KAZN: variants seen among roughly 807,000 people sequenced by gnomAD.
KAZN encodes the protein kazrin.
KAZN carries 40 observed loss-of-function variants against 87.4 expected under a neutral mutation model. That is an observed-to-expected ratio of 0.46 (90% confidence interval 0.36 to 0.60). The LOEUF (loss-of-function observed/expected upper bound fraction) is 0.60. Ranked by LOEUF, KAZN falls within the 20% of genes least tolerant of loss-of-function variation. The pLI, the probability that KAZN is intolerant of heterozygous loss-of-function variation, is 0.00. For synonymous variants in KAZN, 466 were observed against 458.3 expected (o/e 1.02, Z -0.22); for missense variants, 898 against 1,073.9 (o/e 0.84, Z 2.29).
intron 1 of KAZN, among the ~76,000 whole-genome samples, chr1:14,042,871 T>G (rs2101410544): frequency 6.6e-6 from 1 of 152,344 alleles, no homozygotes; most frequent in East Asian, 1.9e-4. Context: ...TACCTGGCCT[T>G]AATTATCTCT....
chr1:14,930,714 C>T (rs866823100), intron 1 of KAZN, among the ~76,000 whole-genome samples: 48 of 152,230 alleles, frequency 3.2e-4, no homozygotes, highest in African/African-American at 1.0e-3. Flanking sequence ...ACCCTTCCTC[C>T]TGCAGTTTCC....
rs917520665 is a variant in KAZN, at chr1:14,004,758, A to G, written c.91+111002A>G. Reference sequence around the variant, plus strand: ...CCAAAACTCATGTTGGAGCTTACTTAATCTCCCTGGCAGTATTGAGAGATG... The same window carrying G: ...CCAAAACTCATGTTGGAGCTTACTTGATCTCCCTGGCAGTATTGAGAGATG... On this transcript the variant is annotated intron_variant, in intron 1 of 16. Coordinates refer to the KAZN transcript ENST00000636203. Among the ~76,000 whole-genome samples, 43 of 14,506 alleles carry G rather than the reference A, an allele frequency of 3.0e-3. 1 individual carries two copies. The highest frequency in any genetic ancestry group is 5.1e-3 in the Non-Finnish European group (27 of 5,270). The allele number at this position is 14,506 out of a possible 152,430, so 9.5% of individuals were successfully genotyped here. A position where few individuals can be genotyped will look rare whatever the true frequency, so the allele number is the denominator to read the frequency against.
chr1:14,752,018 G>A (rs551461770), intron 1 of KAZN, among the ~76,000 whole-genome samples: 15 of 152,270 alleles, frequency 9.9e-5, no homozygotes, highest in South Asian at 2.1e-4. Context: ...TGAGGGCCTC[G>A]GGCTGCTTCC....
intron 1 of KAZN, among the ~76,000 whole-genome samples, chr1:14,063,872 C>A (rs949223277): frequency 6.6e-6 from 1 of 152,130 alleles, no homozygotes; most frequent in Non-Finnish European, 1.5e-5. Context: ...TCATATAAGA[C>A]GTCACTGCTC....
chr1:14,366,327 T>C (rs1427964692), intron 2 of KAZN, among the ~76,000 whole-genome samples: 1 of 152,226 alleles, frequency 6.6e-6, no homozygotes, highest in African/African-American at 2.4e-5. Context: ...CTATTCAGGG[T>C]GACCAGTTCA....
chr1:14,119,923 T>C, intron 1 of KAZN, among the ~76,000 whole-genome samples: 1 of 152,048 alleles, frequency 6.6e-6, no homozygotes, highest in Middle Eastern at 3.4e-3. Context: ...ATGTGTACGA[T>C]CTATTTGGTG....
intron 2 of KAZN, among the ~76,000 whole-genome samples, chr1:14,343,627 T>G (rs1364286357): frequency 6.6e-6 from 1 of 152,184 alleles, no homozygotes; most frequent in African/African-American, 2.4e-5. Context: ...CAACTCTACT[T>G]TTGAAAACCA....
At chr1:14,238,371 C>G (rs1347478358) in intron 2 of KAZN, among the ~76,000 whole-genome samples, 1 of 152,196 alleles carries the variant, frequency 6.6e-6, no homozygotes, top group African/African-American at 2.4e-5. Flanking sequence ...TGGGTGTCCT[C>G]TCCAGATGGG....
chr1:14,409,989 AC>A (rs1557698832), intron 2 of KAZN, among the ~76,000 whole-genome samples: 1 of 152,232 alleles, frequency 6.6e-6, no homozygotes, highest in African/African-American at 2.4e-5. Flanking sequence ...ATATGAAAAA[AC>A]AATCAGCTGG....
intron 1 of KAZN, among the ~76,000 whole-genome samples, chr1:14,847,523 G>C (rs1323965469): frequency 6.6e-6 from 1 of 152,244 alleles, no homozygotes; most frequent in Non-Finnish European, 1.5e-5. Flanking sequence ...TGGGTCCGCA[G>C]TGAGCTATGT....
At chr1:14,269,357 T>C (rs1476616328) in intron 2 of KAZN, among the ~76,000 whole-genome samples, 1 of 152,150 alleles carries the variant, frequency 6.6e-6, no homozygotes, top group Non-Finnish European at 1.5e-5. Flanking sequence ...CCTAATAGGA[T>C]GGCTTCTGAA....
intron 2 of KAZN, among the ~76,000 whole-genome samples, chr1:14,491,463 C>T (rs983807297): frequency 9.2e-5 from 14 of 152,144 alleles, no homozygotes; most frequent in African/African-American, 2.7e-4. Flanking sequence ...GTCCCCTACC[C>T]GCCGACAGGT....
chr1:14,573,176 T>A (rs1460088077), intron 2 of KAZN, among the ~76,000 whole-genome samples: 1 of 152,186 alleles, frequency 6.6e-6, no homozygotes, highest in Non-Finnish European at 1.5e-5. Flanking sequence ...TACACAGTGC[T>A]TCCCACACTC....
intron 2 of KAZN, among the ~76,000 whole-genome samples, chr1:14,313,047 A>G (rs941350747): frequency 3.3e-5 from 5 of 152,202 alleles, no homozygotes; most frequent in African/African-American, 4.8e-5. Context: ...GCAGCATTAG[A>G]TAACTAATAC....
chr1:14,471,519 T>C (rs1436744679), intron 2 of KAZN, among the ~76,000 whole-genome samples: 3 of 152,138 alleles, frequency 2.0e-5, no homozygotes, highest in Non-Finnish European at 2.9e-5. Context: ...ATTGAGCCAA[T>C]GGAAGAACCA....
chr1:14,310,382 C>T lies in KAZN; in HGVS notation c.249+129790C>T, dbSNP rs535859081. Among the ~76,000 whole-genome samples, 13 of 152,320 alleles carry T rather than the reference C, an allele frequency of 8.5e-5. No homozygotes were observed. In the East Asian group the frequency reaches 1.7e-3, roughly 20 times the overall value. On this transcript the variant is annotated intron_variant, in intron 2 of 16. Coordinates refer to the KAZN transcript ENST00000636203. ...TCTAAACAGATTAGAAAACTCCCAGCAGGCCTCGGATGGTTAAAACGAGTC... is the reference window on the plus strand; with the variant it reads ...TCTAAACAGATTAGAAAACTCCCAGTAGGCCTCGGATGGTTAAAACGAGTC...
chr1:14,193,601 C>T (rs1313167871), intron 2 of KAZN, among the ~76,000 whole-genome samples: 1 of 151,776 alleles, frequency 6.6e-6, no homozygotes, highest in Non-Finnish European at 1.5e-5. Context: ...CTTGTGTCAG[C>T]CACAGGAATC....
intron 1 of KAZN, among the ~76,000 whole-genome samples, chr1:14,715,444 G>A (rs759864401): frequency 3.9e-5 from 6 of 152,238 alleles, no homozygotes; most frequent in Non-Finnish European, 8.8e-5. Flanking sequence ...CAGCCTGGCA[G>A]CGAAGCTGTT....
intron 2 of KAZN, among the ~76,000 whole-genome samples, chr1:14,471,426 A>G (rs1210067372): frequency 6.6e-6 from 1 of 152,170 alleles, no homozygotes; most frequent in Non-Finnish European, 1.5e-5. Flanking sequence ...ATTTCATCTG[A>G]AGGGCTGAAG....
Sources: gnomAD v4.1 joint callset for allele counts (sites outside exome capture counted in the v4.1 genomes callset) on GRCh38, gnomAD v4.1.1 for gene constraint, MANE v1.5 for transcripts, NCBI Gene and HGNC (gene_info 2026-07-23, HGNC 2026-07-21) for gene names.